The following STYXL1 variants were observed in gnomAD, a reference collection of about 807,000 sequenced individuals.
STYXL1 encodes serine/threonine/tyrosine interacting like 1, also known as serine/threonine/tyrosine-interacting-like protein 1.
In STYXL1, 32 loss-of-function variants were observed where a neutral mutation model predicts 36.4. That is an observed-to-expected ratio of 0.88 (90% CI 0.66 to 1.18). STYXL1 has a LOEUF of 1.18. Ranked by LOEUF, STYXL1 falls within the 50% of genes most tolerant of loss-of-function variation. The pLI is 0.00. For synonymous variants in STYXL1, 133 were observed against 144.1 expected, an observed-to-expected ratio of 0.92 and a Z score of 0.55; for missense variants, 354 against 394.1, an observed-to-expected ratio of 0.90 and a Z score of 0.86.
chr7:76,000,114 CCAGGAGG>C (rs1790690445), intron 8 of STYXL1, among the ~76,000 whole-genome samples: 1 of 151,072 alleles, frequency 6.6e-6, no homozygotes, highest in African/African-American at 2.4e-5. Flanking sequence ...TCGCTTGAAC[CCAGGAGG>C]CAGAGGGTGC....
intron 6 of STYXL1, 78 bp downstream of exon 6, chr7:76,005,181 A>T (rs1489910670): frequency 1.1e-6 from 1 of 934,284 alleles, no homozygotes; most frequent in Non-Finnish European, 1.4e-6. Context: ...AATAAAATTA[A>T]AAAAAATAAA....
chr7:76,017,866 C>CAAAAGAAAAAAAAAAAAAAAA lies in STYXL1; in HGVS notation c.308-3980_308-3979insTTTTTTTTTTTTTTTTCTTTT, dbSNP rs1793574864. Among the ~76,000 whole-genome samples the CAAAAGAAAAAAAAAAAAAAAA allele has an allele frequency of 2.9e-4, 3 of 10,362 alleles. 1 individual carries two copies. The South Asian group carries it at 0.015, about 51-fold the overall frequency. 6.8% of individuals were successfully genotyped at this position (10,362 alleles called of 152,430 possible). On this transcript the variant is annotated intron_variant, in intron 4 of 8. Coordinates refer to ENST00000359697, the MANE Select transcript of STYXL1 (RefSeq NM_001317785.2). Reference sequence around the variant, plus strand: ...GGGCAACAAGAGCAAAACTCCATCTCAAAAAAAAAAAAAAAGGCAAGACAG... The same window carrying CAAAAGAAAAAAAAAAAAAAAA: ...GGGCAACAAGAGCAAAACTCCATCTCAAAAGAAAAAAAAAAAAAAAAAAAAAAAAAAAAAAAGGCAAGACAG...
intron 1 of STYXL1, among the ~76,000 whole-genome samples, chr7:76,043,602 C>A (rs139064926): frequency 3.8e-4 from 58 of 152,056 alleles, no homozygotes; most frequent in African/African-American, 1.4e-3. Context: ...TAAGAAAGAC[C>A]CCCAGAAGCA....
chr7:76,019,449 A>T (rs1793786950), intron 4 of STYXL1, among the ~76,000 whole-genome samples: 1 of 151,692 alleles, frequency 6.6e-6, no homozygotes, highest in South Asian at 2.1e-4. Context: ...GGCATGCACC[A>T]CCATGCCTGG....
At chr7:76,008,139 C>T (rs1301394639) in intron 5 of STYXL1, among the ~76,000 whole-genome samples, 2 of 132,586 alleles carry the variant, frequency 1.5e-5, no homozygotes, top group African/African-American at 2.9e-5. Context: ...GTGGAGCCTG[C>T]AGTGAGCCAA....
chr7:76,043,854 A>C (rs1338180088), intron 1 of STYXL1: 1 of 152,218 alleles, frequency 6.6e-6, no homozygotes, highest in Non-Finnish European at 1.5e-5. Context: ...GGGGAAGAGA[A>C]GCAGCTTTAC....
intron 8 of STYXL1, among the ~76,000 whole-genome samples, chr7:76,000,218 CAAAAAAAAAAAAA>C (rs35153306): frequency 0.36 from 25,609 of 70,406 alleles, 2,930 homozygotes; most frequent in East Asian, 0.49. Context: ...GACTCCATCT[CAAAAAAAAAAAAA>C]AAAAAAAAAA....
intron 1 of STYXL1, chr7:76,044,146 G>A (rs1038521656): frequency 7.2e-5 from 11 of 152,194 alleles, no homozygotes; most frequent in Non-Finnish European, 1.3e-4. Context: ...GATAGGAGCT[G>A]AGTGTGAGGC....
At position 76,010,870 on chromosome 7, in the gene STYXL1, C is replaced by T. The variant is rs1222036841; in HGVS notation, c.453+2872G>A. On this transcript the variant is annotated intron_variant, in intron 5 of 8. Coordinates refer to ENST00000359697, the MANE Select transcript of STYXL1 (RefSeq NM_001317785.2). Reference sequence around the variant, plus strand: ...ATTTGAGGTTGGAACATTAAACCGCCCTAGCTTCTACTAGACTGTCTTTTT... The same window carrying T: ...ATTTGAGGTTGGAACATTAAACCGCTCTAGCTTCTACTAGACTGTCTTTTT... Among the ~76,000 whole-genome samples, 6 of 152,114 alleles carry T rather than the reference C, an allele frequency of 3.9e-5. No individual in the cohort carries two copies. In the South Asian group the frequency reaches 1.2e-3, roughly 32 times the overall value.
chr7:76,021,180 C>G lies in STYXL1; in HGVS notation c.307+671G>C, dbSNP rs187744436. 3.7e-3 allele frequency among the ~76,000 whole-genome samples: 566 copies of G among 151,260 alleles called. 2 individuals are homozygous for G. The highest frequency in any genetic ancestry group is 0.013 in the African/African-American group (535 of 41,218). ...GCAAGCTCTGCCTCCTGGGTTCACG[C>G]CATTCTCCTGCCTCAGCCTCCCAAG... is the stretch of plus-strand genomic sequence containing the variant. On this transcript the variant is annotated intron_variant, in intron 4 of 8. Coordinates refer to ENST00000359697, the MANE Select transcript of STYXL1 (RefSeq NM_001317785.2).
intron 4 of STYXL1, among the ~76,000 whole-genome samples, chr7:76,016,914 A>C (rs1459586911): frequency 2.0e-5 from 3 of 152,206 alleles, no homozygotes; most frequent in African/African-American, 7.2e-5. Flanking sequence ...ATATTGTTAC[A>C]CCAAAAGGAT....
intron 4 of STYXL1, among the ~76,000 whole-genome samples, chr7:76,019,986 G>T (rs1028958474): frequency 6.7e-6 from 1 of 150,272 alleles, no homozygotes; most frequent in East Asian, 2.0e-4. Context: ...AGATGGTCTT[G>T]TACCCCCAAA....
intron 5 of STYXL1, among the ~76,000 whole-genome samples, chr7:76,010,071 G>C (rs1243253337): frequency 1.3e-5 from 2 of 152,126 alleles, no homozygotes; most frequent in African/African-American, 4.8e-5. Flanking sequence ...ATGAGGAGGT[G>C]GCAGTGATGA....
chr7:76,003,303 T>C (rs1221465070), intron 7 of STYXL1, among the ~76,000 whole-genome samples: 11 of 152,106 alleles, frequency 7.2e-5, no homozygotes, highest in African/African-American at 2.4e-4. Flanking sequence ...ACAAAGAAAA[T>C]CTTGGAAGTC....
intron 4 of STYXL1, among the ~76,000 whole-genome samples, chr7:76,017,878 A>AAAAAAAAAAAAAAAAAAAAAAAAAAAT (rs1793585222): frequency 6.8e-6 from 1 of 147,238 alleles, no homozygotes; most frequent in Non-Finnish European, 1.5e-5. Flanking sequence ...AAAAAAAAAA[A>AAAAAAAAAAAAAAAAAAAAAAAAAAAT]AAAGGCAAGA....
At position 76,013,949 on chromosome 7, in the gene STYXL1, G is replaced by C. The variant is rs138901543; in HGVS notation, c.308-62C>G. 2,845 of 1,473,478 alleles carry C rather than the reference G, an allele frequency of 1.9e-3. 72 individuals are homozygous for C. In the South Asian group the frequency reaches 0.032, roughly 17 times the overall value. 91.3% of individuals were successfully genotyped at this position (1,473,478 alleles called of 1,614,324 possible). Reference sequence around the variant, plus strand: ...GTATCTGCCATTGGTCTAGAGCTGGGATAGATGACCACTTTCTTCTGAAAT... The same window carrying C: ...GTATCTGCCATTGGTCTAGAGCTGGCATAGATGACCACTTTCTTCTGAAAT... On this transcript the variant is annotated intron_variant, in intron 4 of 8. Coordinates refer to ENST00000359697, the MANE Select transcript of STYXL1 (RefSeq NM_001317785.2).
intron 7 of STYXL1, among the ~76,000 whole-genome samples, 182 bp downstream of exon 7, chr7:76,003,576 C>A (rs1408753999): frequency 2.6e-5 from 4 of 152,200 alleles, no homozygotes; most frequent in Non-Finnish European, 4.4e-5. Flanking sequence ...ACTGAGGGCT[C>A]CCCAGAAGTT....
At chr7:76,001,129 C>T (rs988136658) in intron 7 of STYXL1, 127 bp from the exon 8 acceptor site, 18 of 688,426 alleles carry the variant, frequency 2.6e-5, no homozygotes, top group African/African-American at 1.8e-4. Context: ...CACGTGACCT[C>T]GGCAAGTCCC....
intron 5 of STYXL1, 62 bp from the exon 6 acceptor site, chr7:76,005,466 C>G (rs1210250339): frequency 1.3e-5 from 19 of 1,485,782 alleles, no homozygotes; most frequent in Non-Finnish European, 1.8e-5. Flanking sequence ...GGATGTCTAT[C>G]TCTTGAAACA....
Sources: allele counts gnomAD v4.1 joint callset (sites outside exome capture counted in the v4.1 genomes callset), GRCh38; gene constraint gnomAD v4.1.1; transcripts MANE v1.5; gene names NCBI Gene and HGNC (gene_info 2026-07-23, HGNC 2026-07-21).